Variants in NXPH1 observed in about 807,000 individuals in gnomAD.
The protein encoded by NXPH1 is neurexophilin-1.
NXPH1 carries 5 observed loss-of-function variants against 23.7 expected under a neutral mutation model. The observed-to-expected ratio is 0.21, with a 90% CI of 0.11 to 0.44. NXPH1 has a LOEUF of 0.44. Among genes scored for constraint, NXPH1 ranks in the 20% least tolerant of loss-of-function variants. The pLI, the probability that NXPH1 is intolerant of heterozygous loss-of-function variation, is 0.99. For missense variants in NXPH1, 324 were observed against 321.6 expected (o/e 1.01, Z -0.06); for synonymous variants, 144 against 122.2 (o/e 1.18, Z -1.18).
chr7:8,740,739 A>G (rs903184837), intron 2 of NXPH1, among the ~76,000 whole-genome samples: 10 of 148,790 alleles, frequency 6.7e-5, no homozygotes, highest in African/African-American at 2.5e-4. Context: ...AAATTTATTT[A>G]TTTATTCCCA....
intron 2 of NXPH1, among the ~76,000 whole-genome samples, chr7:8,685,186 G>T (rs1047458142): frequency 6.6e-6 from 1 of 151,382 alleles, no homozygotes; most frequent in Non-Finnish European, 1.5e-5. Context: ...ACTGATAACT[G>T]AGAGTTATCC....
intron 2 of NXPH1, among the ~76,000 whole-genome samples, chr7:8,587,105 A>G (rs1217621917): frequency 6.6e-6 from 1 of 152,192 alleles, no homozygotes; most frequent in African/African-American, 2.4e-5. Flanking sequence ...TACATGTCAG[A>G]GAATTCAAAA....
intron 2 of NXPH1, among the ~76,000 whole-genome samples, chr7:8,470,457 A>G (rs993324635): frequency 5.3e-5 from 8 of 152,162 alleles, no homozygotes; most frequent in African/African-American, 1.7e-4. Flanking sequence ...TGTTCCCTAG[A>G]TTCTCAGAAA....
At chr7:8,650,259 A>G (rs1374994798) in intron 2 of NXPH1, among the ~76,000 whole-genome samples, 1 of 152,174 alleles carries the variant, frequency 6.6e-6, no homozygotes, top group Non-Finnish European at 1.5e-5. Context: ...TAATACAATT[A>G]TTTGCTAAAT....
At chr7:8,580,014 G>C (rs1318099227) in intron 2 of NXPH1, among the ~76,000 whole-genome samples, 1 of 152,218 alleles carries the variant, frequency 6.6e-6, no homozygotes, top group Non-Finnish European at 1.5e-5. Context: ...GATGGGAAGA[G>C]TCTGTGCCAT....
At chr7:8,468,394 G>A (rs962522919) in intron 2 of NXPH1, among the ~76,000 whole-genome samples, 3 of 152,048 alleles carry the variant, frequency 2.0e-5, no homozygotes, top group African/African-American at 4.8e-5. Context: ...TGTCTTCTTT[G>A]AAAATGCTGA....
At chr7:8,531,979 C>A (rs183577675) in intron 2 of NXPH1, among the ~76,000 whole-genome samples, 2 of 152,116 alleles carry the variant, frequency 1.3e-5, no homozygotes, top group Non-Finnish European at 2.9e-5. Context: ...ATAACTACTT[C>A]CCAAATGGAG....
chr7:8,533,312 A>G (rs1200153390), intron 2 of NXPH1, among the ~76,000 whole-genome samples: 2 of 152,068 alleles, frequency 1.3e-5, no homozygotes, highest in East Asian at 3.9e-4. Flanking sequence ...GTTCTTTTAT[A>G]GGTTCTGGCA....
At chr7:8,537,706 A>ACT (rs2128618075) in intron 2 of NXPH1, among the ~76,000 whole-genome samples, 1 of 152,048 alleles carries the variant, frequency 6.6e-6, no homozygotes, top group South Asian at 2.1e-4. Flanking sequence ...GCTGTGTGAC[A>ACT]CTGGGAGCTC....
chr7:8,717,118 T>C (rs533624827), intron 2 of NXPH1, among the ~76,000 whole-genome samples: 1 of 152,290 alleles, frequency 6.6e-6, no homozygotes, highest in African/African-American at 2.4e-5. Flanking sequence ...TTTGTACCTC[T>C]TTCTTTCCCT....
chr7:8,530,138 T>C lies in NXPH1; in HGVS notation c.54+94371T>C, dbSNP rs73233670. Among the ~76,000 whole-genome samples the C allele has an allele frequency of 7.4e-3, 1,127 of 152,196 alleles. 15 individuals are homozygous for C. The highest frequency in any genetic ancestry group is 0.026 in the African/African-American group (1,079 of 41,524). On this transcript the variant is annotated intron_variant, in intron 2 of 2. Transcript: ENST00000405863. ...ACGGGATGTAGAGAAAAACCAATCA[T>C]CATGAAGAGCCTGTTGGAAGTGGAC...
chr7:8,477,940 C>G (rs1226630580), intron 2 of NXPH1, among the ~76,000 whole-genome samples: 1 of 152,020 alleles, frequency 6.6e-6, no homozygotes, highest in East Asian at 1.9e-4. Context: ...TTTAAAAGGC[C>G]TGAATCATGT....
intron 2 of NXPH1, among the ~76,000 whole-genome samples, chr7:8,582,164 A>C (rs1818890086): frequency 6.6e-6 from 1 of 152,126 alleles, no homozygotes; most frequent in Non-Finnish European, 1.5e-5. Flanking sequence ...CATCTGGATG[A>C]GGGGAACCCA....
At chr7:8,510,028 T>G (rs1817587929) in intron 2 of NXPH1, among the ~76,000 whole-genome samples, 1 of 152,162 alleles carries the variant, frequency 6.6e-6, no homozygotes, top group African/African-American at 2.4e-5. Flanking sequence ...TCACTAGCTC[T>G]GAGCTAATCC....
At chr7:8,614,443 TATATATGTAG>T (rs1819689874) in intron 2 of NXPH1, among the ~76,000 whole-genome samples, 1 of 152,002 alleles carries the variant, frequency 6.6e-6, no homozygotes, top group South Asian at 2.1e-4. Context: ...TGTATGTGTA[TATATATGTAG>T]ATATATGTAT....
At chr7:8,460,996 T>G (rs1469146287) in intron 2 of NXPH1, among the ~76,000 whole-genome samples, 6 of 152,238 alleles carry the variant, frequency 3.9e-5, no homozygotes, top group Non-Finnish European at 8.8e-5. Context: ...TTGGATCTTT[T>G]CAATATTAGG....
intron 2 of NXPH1, among the ~76,000 whole-genome samples, chr7:8,539,361 T>G (rs374937785): frequency 6.6e-6 from 1 of 151,848 alleles, no homozygotes; most frequent in African/African-American, 2.4e-5. Flanking sequence ...TAGAGGTTTG[T>G]TGGATAGAGG....
chr7:8,479,065 TTTG>T (rs1817028661), intron 2 of NXPH1, among the ~76,000 whole-genome samples: 1 of 152,128 alleles, frequency 6.6e-6, no homozygotes, highest in South Asian at 2.1e-4. Context: ...AAAAATACTG[TTTG>T]TTAACTGGTT....
chr7:8,522,425 A>G (rs1202864715), intron 2 of NXPH1, among the ~76,000 whole-genome samples: 1 of 152,222 alleles, frequency 6.6e-6, no homozygotes, highest in East Asian at 1.9e-4. Flanking sequence ...ACATTGCTAA[A>G]AAGTCCCTTA....
Sources: gnomAD v4.1 joint callset for allele counts (sites outside exome capture counted in the v4.1 genomes callset) on GRCh38, gnomAD v4.1.1 for gene constraint, MANE v1.5 for transcripts, NCBI Gene and HGNC (gene_info 2026-07-23, HGNC 2026-07-21) for gene names.